MAGI2: variants seen among roughly 807,000 people sequenced by gnomAD.
The protein encoded by MAGI2 is membrane-associated guanylate kinase, WW and PDZ domain-containing protein 2.
Under a neutral mutation model 133.3 loss-of-function variants are expected in MAGI2, and 35 were observed. The observed-to-expected ratio is 0.26, with a 90% CI of 0.20 to 0.35. The LOEUF is 0.35. Among genes scored for constraint, MAGI2 ranks in the 10% least tolerant of loss-of-function variants. The pLI, the probability that MAGI2 is intolerant of heterozygous loss-of-function variation, is 1.00. For missense variants in MAGI2, 1,636 were observed against 1,863.4 expected, an observed-to-expected ratio of 0.88 and a Z score of 2.25; for synonymous variants, 729 against 710.6, an observed-to-expected ratio of 1.03 and a Z score of -0.41.
chr7:78,126,385 T>C (rs1820985926), intron 19 of MAGI2, among the ~76,000 whole-genome samples: 1 of 152,240 alleles, frequency 6.6e-6, no homozygotes, highest in Admixed American at 6.5e-5. Context: ...TCTTCACTAT[T>C]CTTAAAATCT....
chr7:79,026,168 G>GAAT (rs1457703225), intron 1 of MAGI2, among the ~76,000 whole-genome samples: 1 of 152,064 alleles, frequency 6.6e-6, no homozygotes, highest in African/African-American at 2.4e-5. Context: ...GAAAAATAAA[G>GAAT]AATACATAAT....
intron 2 of MAGI2, among the ~76,000 whole-genome samples, chr7:78,896,534 T>C (rs1797227951): frequency 6.7e-6 from 1 of 148,328 alleles, no homozygotes; most frequent in Non-Finnish European, 1.5e-5. Context: ...GGGATATATA[T>C]ATATAATATA....
chr7:78,648,953 G>A (rs1339899927), intron 2 of MAGI2, among the ~76,000 whole-genome samples: 1 of 151,968 alleles, frequency 6.6e-6, no homozygotes, highest in African/African-American at 2.4e-5. Flanking sequence ...CACCCTGGGT[G>A]ACCAGTCTCA....
At chr7:79,338,440 C>G (rs1482495595) in intron 1 of MAGI2, among the ~76,000 whole-genome samples, 1 of 152,118 alleles carries the variant, frequency 6.6e-6, no homozygotes, top group Non-Finnish European at 1.5e-5. Context: ...ATTTTAGCAG[C>G]CTTCCTTCCA....
chr7:78,870,171 A>G (rs528745772), intron 2 of MAGI2, among the ~76,000 whole-genome samples: 57 of 152,142 alleles, frequency 3.7e-4, no homozygotes, highest in African/African-American at 1.3e-3. Context: ...GCAACATGGC[A>G]AAACTCCATC....
intron 1 of MAGI2, among the ~76,000 whole-genome samples, chr7:79,227,381 T>C (rs1830951084): frequency 1.3e-5 from 2 of 152,222 alleles, no homozygotes; most frequent in Admixed American, 6.5e-5. Context: ...CATTTAATGG[T>C]ACAATACAAA....
At chr7:79,250,038 A>T (rs1833115867) in intron 1 of MAGI2, among the ~76,000 whole-genome samples, 1 of 152,150 alleles carries the variant, frequency 6.6e-6, no homozygotes, top group Admixed American at 6.5e-5. Flanking sequence ...GACAAAAACC[A>T]TATGATCATT....
intron 9 of MAGI2, among the ~76,000 whole-genome samples, chr7:78,333,124 T>A (rs1322981196): frequency 6.6e-6 from 1 of 152,248 alleles, no homozygotes; most frequent in Non-Finnish European, 1.5e-5. Context: ...TGAATTCCTA[T>A]AACCACTTCC....
At chr7:78,346,162 C>T (rs1790883853) in intron 7 of MAGI2, 119 bp from the exon 8 acceptor site, 6 of 1,129,954 alleles carry the variant, frequency 5.3e-6, no homozygotes, top group Non-Finnish European at 7.6e-6. Flanking sequence ...CAGTCAAGTG[C>T]CTCACCCAGC....
At chr7:79,403,069 A>T (rs1463811046) in intron 1 of MAGI2, among the ~76,000 whole-genome samples, 1 of 152,246 alleles carries the variant, frequency 6.6e-6, no homozygotes, top group African/African-American at 2.4e-5. Context: ...CCTAACACAC[A>T]GACACACACT....
intron 1 of MAGI2, among the ~76,000 whole-genome samples, chr7:79,249,243 A>C (rs1833049313): frequency 6.6e-6 from 1 of 152,200 alleles, no homozygotes; most frequent in East Asian, 1.9e-4. Context: ...CTTATGATGC[A>C]TCTTAAAGAA....
rs115052161 is a variant in MAGI2, at chr7:78,148,625, C to T, written c.2845+11400G>A. Among the ~76,000 whole-genome samples, 698 of 152,184 alleles carry T rather than the reference C, an allele frequency of 4.6e-3. 7 individuals carry two copies. Among genetic ancestry groups the T allele is most frequent in the African/African-American group, 0.016 (663 of 41,526 alleles). ...GGAAAGTGTAAGGGTTGGAAGTCTT[C>T]AGAGAAGAAATCCTGTCTAATCTGA... is the stretch of plus-strand genomic sequence containing the variant. On this transcript the variant is annotated intron_variant, in intron 16 of 21. Coordinates refer to ENST00000354212, the MANE Select transcript of MAGI2 (RefSeq NM_012301.4).
Position 79,263,312 on chromosome 7 carries a change from C to T in MAGI2, c.301+189708G>A, listed in dbSNP as rs1834211628. ...CCTCACAAGAGCCCTCTGAGGTAGG[C>T]ACTATAATTAATCCTATTTCACCGG... On this transcript the variant is annotated intron_variant, in intron 1 of 21. Coordinates refer to ENST00000354212, the MANE Select transcript of MAGI2 (RefSeq NM_012301.4). Among the ~76,000 whole-genome samples, 3 of 151,978 alleles carry T rather than the reference C, an allele frequency of 2.0e-5. No homozygotes were observed. The South Asian group carries it at 6.2e-4, about 31-fold the overall frequency.
At chr7:78,900,161 G>T (rs537227359) in intron 2 of MAGI2, among the ~76,000 whole-genome samples, 3 of 152,102 alleles carry the variant, frequency 2.0e-5, no homozygotes, top group African/African-American at 7.2e-5. Flanking sequence ...TGCCACTCAC[G>T]TCCAAACCAC....
chr7:78,595,708 A>T (rs1804520987), intron 3 of MAGI2, among the ~76,000 whole-genome samples: 1 of 152,170 alleles, frequency 6.6e-6, no homozygotes, highest in African/African-American at 2.4e-5. Context: ...AAGAAATGCA[A>T]ATAGAAGGAT....
chr7:78,732,724 A>G (rs1821486174), intron 2 of MAGI2, among the ~76,000 whole-genome samples: 1 of 152,178 alleles, frequency 6.6e-6, no homozygotes, highest in African/African-American at 2.4e-5. Flanking sequence ...TTGCAGAAGA[A>G]ATACTCCAAG....
chr7:79,427,429 T>C (rs1036251471), intron 1 of MAGI2, among the ~76,000 whole-genome samples: 4 of 152,154 alleles, frequency 2.6e-5, no homozygotes, highest in Admixed American at 6.5e-5. Flanking sequence ...ATCGAAATGA[T>C]TTTTCAAGGT....
intron 1 of MAGI2, among the ~76,000 whole-genome samples, chr7:79,026,898 G>T (rs1253440921): frequency 6.6e-6 from 1 of 150,714 alleles, no homozygotes; most frequent in Admixed American, 6.6e-5. Context: ...AAAATGGGCA[G>T]GAGAGCTGAA....
rs537905095 is a variant in MAGI2 at position 78,109,588 on chromosome 7, C to T, written c.3567+16106G>A. Among the ~76,000 whole-genome samples, 68 of 150,496 alleles carry T rather than the reference C, an allele frequency of 4.5e-4. No homozygotes were observed. In the South Asian group the frequency reaches 4.9e-3, roughly 11 times the overall value. ...TGGAGGTTGCAGTGAGCTGAGATGG[C>T]GACACTGCACTCCAGCCTGGGAGAC... On this transcript the variant is annotated intron_variant, in intron 20 of 21. Coordinates refer to ENST00000354212, the MANE Select transcript of MAGI2 (RefSeq NM_012301.4).
Sources: allele counts gnomAD v4.1 joint callset (sites outside exome capture counted in the v4.1 genomes callset), GRCh38; gene constraint gnomAD v4.1.1; transcripts MANE v1.5; gene names NCBI Gene and HGNC (gene_info 2026-07-23, HGNC 2026-07-21).